MMP24: variants seen among roughly 807,000 people sequenced by gnomAD.
The protein encoded by MMP24 is matrix metalloproteinase-24.
MMP24 carries 25 observed loss-of-function variants against 62.8 expected under a neutral mutation model. The observed-to-expected ratio is 0.40, with a 90% CI of 0.29 to 0.56. The LOEUF (loss-of-function observed/expected upper bound fraction) is 0.56. Among genes scored for constraint, MMP24 ranks in the 20% least tolerant of loss-of-function variants. The probability of loss-of-function intolerance (pLI) is 0.50; values close to 1 mark genes in which losing one functional copy is unlikely to be tolerated. For missense variants in MMP24, 634 were observed against 853.6 expected (o/e 0.74, Z 3.21); for synonymous variants, 319 against 350.5 (o/e 0.91, Z 1.00).
At chr20:35,250,022 G>A (rs1167895659) in intron 2 of MMP24, among the ~76,000 whole-genome samples, 1 of 151,784 alleles carries the variant, frequency 6.6e-6, no homozygotes, top group East Asian at 1.9e-4. Context: ...GTGTGATCTT[G>A]GCTCACTGTA....
At chr20:35,265,339 G>T (rs1216131182) in intron 5 of MMP24, among the ~76,000 whole-genome samples, 1 of 152,108 alleles carries the variant, frequency 6.6e-6, no homozygotes, top group Non-Finnish European at 1.5e-5. Flanking sequence ...CTACTTGGGA[G>T]GCTGAGGCAG....
intron 3 of MMP24, among the ~76,000 whole-genome samples, chr20:35,253,270 C>CTTTTTTTGTTTTT: frequency 1.3e-5 from 1 of 79,078 alleles, no homozygotes; most frequent in African/African-American, 5.8e-5. Flanking sequence ...CAGAACGGGA[C>CTTTTTTTGTTTTT]TTTTTTTTTT....
intron 4 of MMP24, among the ~76,000 whole-genome samples, chr20:35,255,137 C>A (rs1490705313): frequency 6.6e-6 from 1 of 152,162 alleles, no homozygotes; most frequent in Non-Finnish European, 1.5e-5. Flanking sequence ...TCAAGACCAG[C>A]CTGGCCAACA....
intron 2 of MMP24, among the ~76,000 whole-genome samples, chr20:35,250,957 G>A (rs924736191): frequency 1.3e-5 from 2 of 152,122 alleles, no homozygotes; most frequent in African/African-American, 2.4e-5. Flanking sequence ...CAGGCACTGG[G>A]CTACCTTCTT....
In MMP24 at chr20:35,254,436, C is replaced by T; in HGVS notation, c.513-14C>T. 1 of 1,605,378 alleles carries T rather than the reference C, an allele frequency of 6.2e-7. No homozygotes were observed. ...TCTCTGATCTTGCCTAATGATCCTCCCCTCTCTCACCAGCATTCACAACTA... is the reference window on the plus strand; with the variant it reads ...TCTCTGATCTTGCCTAATGATCCTCTCCTCTCTCACCAGCATTCACAACTA... On this transcript the variant is annotated splice_polypyrimidine_tract_variant and intron_variant, in intron 3 of 8. Transcript: ENST00000246186.
At chr20:35,244,709 A>ATCCTTTG (rs1379115080) in intron 1 of MMP24, among the ~76,000 whole-genome samples, 2 of 152,172 alleles carry the variant, frequency 1.3e-5, no homozygotes, top group East Asian at 3.9e-4. Flanking sequence ...CAAAGTGCTG[A>ATCCTTTG]GATTACAGGC....
At chr20:35,256,698 AAC>A (rs1340037337) in intron 4 of MMP24, among the ~76,000 whole-genome samples, 1 of 146,908 alleles carries the variant, frequency 6.8e-6, no homozygotes, top group East Asian at 2.0e-4. Context: ...CAGCCTGGGC[AAC>A]AGAGATTCCG....
chr20:35,264,707 CAAAAAAAAAAAAAAAAAAAA>C (rs57309455), intron 5 of MMP24, among the ~76,000 whole-genome samples: 4 of 43,522 alleles, frequency 9.2e-5, no homozygotes, highest in South Asian at 1.4e-3. Flanking sequence ...GACTCCGTCT[CAAAAAAAAAAAAAAAAAAAA>C]AAAAAAAAAA....
chr20:35,254,216 C>T (rs905476016), intron 3 of MMP24, among the ~76,000 whole-genome samples: 1 of 152,216 alleles, frequency 6.6e-6, no homozygotes, highest in Non-Finnish European at 1.5e-5. Flanking sequence ...TTATTCGACA[C>T]AGCTTTGCTG....
Position 35,269,710 on chromosome 20 carries a change from C to G in MMP24, c.1195-50C>G. 6.5e-7 allele frequency: 1 copy of G among 1,548,918 alleles called. No homozygotes were observed. On this transcript the variant is annotated intron_variant, in intron 6 of 8. Transcript: ENST00000246186. The surrounding 1 kb of genome is among the most constrained non-coding windows in gnomAD (Gnocchi z 4.6). ...GCCCCACAGCTGCAATCACTGGGTTCGGAGGCAGGGCCTGACACACCTCTC... is the reference window on the plus strand; with the variant it reads ...GCCCCACAGCTGCAATCACTGGGTTGGGAGGCAGGGCCTGACACACCTCTC...
In MMP24 at chr20:35,274,631, C is replaced by A. The variant is rs2060693536; in HGVS notation, c.*22C>A. The A allele has an allele frequency of 6.4e-7, 1 of 1,563,570 alleles. No individual in the cohort carries two copies. On this transcript the variant is annotated 3_prime_UTR_variant, in exon 9 of 9. Transcript: ENST00000246186. The surrounding 1 kb of genome is among the most constrained non-coding windows in gnomAD (Gnocchi z 5.1). Reference sequence around the variant, plus strand: ...GTGAGCAGCCCAGAGCCCTCTCTATCCACTTGGTCTGGCCAGCCAGGCCCT... The same window carrying A: ...GTGAGCAGCCCAGAGCCCTCTCTATACACTTGGTCTGGCCAGCCAGGCCCT...
intron 3 of MMP24, among the ~76,000 whole-genome samples, chr20:35,253,878 T>TTTGTTTTTTTTGTTTTTTTTTG (rs1568615348): frequency 1.1e-4 from 17 of 150,854 alleles, no homozygotes; most frequent in African/African-American, 4.2e-4. Context: ...GTTTTTTTTT[T>TTTGTTTTTTTTGTTTTTTTTTG]TTTTTTTTGA....
Position 35,274,518 on chromosome 20 carries a change from T to C in MMP24, c.1847T>C (p.Leu616Pro). The C allele has an allele frequency of 6.2e-7, 1 of 1,614,020 alleles. No homozygotes were observed. The highest frequency in any genetic ancestry group is 8.5e-7 in the Non-Finnish European group (1 of 1,179,872). The change falls in exon 9 of 9, where the codon CTG becomes CCG. Residue 616 changes from leucine to proline, a missense_variant. By Grantham distance (98) the Leu-to-Pro change is moderately conservative. This residue lies in a region of MMP24 where 399 missense variants were observed against 530.8 expected (regional missense o/e 0.75). Coordinates refer to ENST00000246186, the MANE Select transcript of MMP24 (RefSeq NM_006690.4). The surrounding 1 kb of genome is among the most constrained non-coding windows in gnomAD (Gnocchi z 5.1). Reference protein sequence around the residue: ...VIPCILSLCILVLVYTIFQFK... With the variant: ...VIPCILSLCIPVLVYTIFQFK... ...CCCTGCATCCTGTCCCTCTGCATCC[T>C]GGTGCTGGTCTACACCATCTTCCAG...
intron 1 of MMP24, among the ~76,000 whole-genome samples, chr20:35,231,295 A>G (rs78081258): frequency 7.2e-5 from 11 of 152,144 alleles, no homozygotes; most frequent in Non-Finnish European, 1.3e-4. Flanking sequence ...TGCTGAGGAG[A>G]TGGAGAACAG....
rs1316655303 is a variant in MMP24 at position 35,271,864 on chromosome 20, T to C, written c.1600+29T>C. On this transcript the variant is annotated intron_variant, in intron 8 of 8. Coordinates refer to ENST00000246186, the MANE Select transcript of MMP24 (RefSeq NM_006690.4). The surrounding 1 kb of genome is among the most constrained non-coding windows in gnomAD (Gnocchi z 4.0). ...CGTAAGGGCCGGGCCAGGGTGGGCA[T>C]GGGGAGCCGGTTTTATGTGGTCCTC... The C allele has an allele frequency of 2.5e-6, 4 of 1,589,752 alleles. No individual in the cohort carries two copies. Among genetic ancestry groups the C allele is most frequent in the Non-Finnish European group, 3.4e-6 (4 of 1,169,728 alleles).
intron 4 of MMP24, among the ~76,000 whole-genome samples, chr20:35,257,416 C>A (rs2060580462): frequency 6.6e-6 from 1 of 152,168 alleles, no homozygotes; most frequent in Non-Finnish European, 1.5e-5. Context: ...TCTGTGCTAA[C>A]AGATAAGATG....
At chr20:35,232,245 A>C in intron 1 of MMP24, among the ~76,000 whole-genome samples, 1 of 152,224 alleles carries the variant, frequency 6.6e-6, no homozygotes, top group East Asian at 1.9e-4. Flanking sequence ...AATTGTACCC[A>C]AAAGACTAAT....
chr20:35,258,472 A>G (rs540999348), intron 4 of MMP24, among the ~76,000 whole-genome samples: 10 of 152,170 alleles, frequency 6.6e-5, no homozygotes, highest in Non-Finnish European at 1.5e-4. Flanking sequence ...TCCTACACAC[A>G]CGTTTCCCTC....
chr20:35,230,920 A>G (rs1168349250), intron 1 of MMP24, among the ~76,000 whole-genome samples: 6 of 152,062 alleles, frequency 3.9e-5, no homozygotes, highest in Non-Finnish European at 7.4e-5. Flanking sequence ...TATTCAGTCT[A>G]TCTTCTCCTT....
Sources: allele counts gnomAD v4.1 joint callset (sites outside exome capture counted in the v4.1 genomes callset), GRCh38; gene constraint gnomAD v4.1.1; regional missense constraint gnomAD v4.1.1; non-coding constraint Gnocchi (gnomAD v3.1); transcripts MANE v1.5; gene names NCBI Gene and HGNC (gene_info 2026-07-23, HGNC 2026-07-21).